Variants in FAT4 observed in about 807,000 individuals in gnomAD.
FAT4 encodes the protein protocadherin Fat 4.
FAT4 carries 84 observed loss-of-function variants against 303.9 expected under a neutral mutation model. The ratio of observed to expected loss-of-function variants is 0.28; its 90% CI spans 0.23 to 0.33. FAT4 has a LOEUF of 0.33. Among genes scored for constraint, FAT4 ranks in the 10% least tolerant of loss-of-function variants. The pLI is 1.00. For synonymous variants in FAT4, 2,307 were observed against 2,298.8 expected (o/e 1.00, Z -0.10); for missense variants, 6,005 against 6,146.8 (o/e 0.98, Z 0.77).
Position 125,416,627 on chromosome 4 carries a change from G to A in FAT4, c.7018+5G>A. On this transcript the variant is annotated splice_donor_5th_base_variant and intron_variant, in intron 7 of 17. Coordinates refer to ENST00000394329, the MANE Select transcript of FAT4 (RefSeq NM_001291303.3). ...TGATTACAGCTACAGATTCAGGTAA[G>A]TCCATTACACCCTTGTTCATTTGTA... 1.2e-6 allele frequency: 2 copies of A among 1,613,280 alleles called. No homozygotes were observed. The highest frequency in any genetic ancestry group is 1.7e-6 in the Non-Finnish European group (2 of 1,179,516).
chr4:125,436,774 A>G (rs1326947834), intron 8 of FAT4, among the ~76,000 whole-genome samples: 10 of 152,172 alleles, frequency 6.6e-5, no homozygotes, highest in Admixed American at 5.9e-4. Flanking sequence ...CCACAAGAAC[A>G]GTATGCTCGA....
chr4:125,484,814 A>G (rs995320172), intron 16 of FAT4, among the ~76,000 whole-genome samples: 1 of 152,066 alleles, frequency 6.6e-6, no homozygotes, highest in African/African-American at 2.4e-5. Context: ...CAAAAATAAA[A>G]AAGGTACAGT....
intron 13 of FAT4, among the ~76,000 whole-genome samples, 192 bp downstream of exon 13, chr4:125,476,448 T>A (rs191942738): frequency 4.6e-5 from 7 of 152,182 alleles, no homozygotes; most frequent in Admixed American, 4.6e-4. Context: ...TGAAATGAAG[T>A]GGTAGAAATA....
chr4:125,466,977 C>T (rs1290880959), intron 11 of FAT4, among the ~76,000 whole-genome samples: 3 of 151,826 alleles, frequency 2.0e-5, no homozygotes, highest in African/African-American at 4.8e-5. Context: ...CGGGGTTTCA[C>T]CGTGTTAGCC....
At position 125,452,350 on chromosome 4, in the gene FAT4, C is replaced by G. The variant is rs140612818; in HGVS notation, c.11340C>G (p.Gly3780=). 6.2e-7 allele frequency: 1 copy of G among 1,614,174 alleles called. No individual in the cohort carries two copies. Among genetic ancestry groups the G allele is most frequent in the Admixed American group, 1.7e-5 (1 of 60,026 alleles). The change falls in exon 10 of 18, where the codon GGC becomes GGG. Residue 3780 remains glycine, a synonymous_variant. Transcript: ENST00000394329. ...ATAATCAGTATGTGAATCCCAGTGG[C>G]GTAGCCACCTTCTTTGAAAGCATCA... ...RNHNQYVNPS[G]VATFFESIKE...
intron 10 of FAT4, among the ~76,000 whole-genome samples, chr4:125,456,486 C>A (rs1560620760): frequency 6.6e-6 from 1 of 150,834 alleles, no homozygotes; most frequent in African/African-American, 2.4e-5. Context: ...GTTTCAAATT[C>A]TGTATGAAAA....
intron 5 of FAT4, among the ~76,000 whole-genome samples, chr4:125,411,094 CAAAT>C: frequency 6.6e-6 from 1 of 152,094 alleles, no homozygotes; most frequent in African/African-American, 2.4e-5. Context: ...AACAAATTAA[CAAAT>C]AAATCTCAAT....
chr4:125,365,909 C>T (rs1043187171), intron 2 of FAT4, among the ~76,000 whole-genome samples: 3 of 152,066 alleles, frequency 2.0e-5, no homozygotes, highest in African/African-American at 4.8e-5. Context: ...TGTTAGGAAC[C>T]GGGACGCACA....
In FAT4 at chr4:125,320,118, A is replaced by G; in HGVS notation, c.3707A>G (p.Asp1236Gly). Residue 1236 changes from aspartate (D) to glycine (G), a missense_variant, in exon 2 of 18, where the codon GAT (aspartate) becomes GGT (glycine). Asp to Gly is a moderately conservative substitution (Grantham distance 94). Transcript: ENST00000394329. The part of the protein sequence containing the change: ...LTQVLRVSAS[D>G]VDEGNNGLIH... ...CAAGTGTTAAGAGTATCTGCCTCAG[A>G]TGTTGATGAAGGTAATAATGGACTT... is the stretch of plus-strand genomic sequence containing the variant. 6.2e-7 allele frequency: 1 copy of G among 1,614,018 alleles called. No homozygotes were observed. The highest frequency in any genetic ancestry group is 8.5e-7 in the Non-Finnish European group (1 of 1,179,924).
chr4:125,352,401 T>A (rs970566845), intron 2 of FAT4, among the ~76,000 whole-genome samples: 1 of 151,664 alleles, frequency 6.6e-6, no homozygotes, highest in African/African-American at 2.4e-5. Flanking sequence ...CCATGTAACA[T>A]TAGTTATTTT....
intron 2 of FAT4, among the ~76,000 whole-genome samples, chr4:125,381,409 C>T (rs968439164): frequency 1.3e-5 from 2 of 151,972 alleles, no homozygotes; most frequent in Admixed American, 6.6e-5. Context: ...GTGAATATCA[C>T]AATAAAGCAA....
At chr4:125,452,956 A>T in intron 10 of FAT4, 146 bp downstream of exon 10, 2 of 1,055,780 alleles carry the variant, frequency 1.9e-6, no homozygotes, top group Non-Finnish European at 2.7e-6. Flanking sequence ...TTGGTCAAAT[A>T]CTGTTCTAAG....
intron 6 of FAT4, among the ~76,000 whole-genome samples, 165 bp downstream of exon 6, chr4:125,415,971 A>G (rs1735041612): frequency 6.6e-6 from 1 of 152,228 alleles, no homozygotes; most frequent in Non-Finnish European, 1.5e-5. Context: ...GTTTATAAAC[A>G]TCATACCTAA....
At chr4:125,343,272 T>A (rs1411837432) in intron 2 of FAT4, among the ~76,000 whole-genome samples, 1 of 152,168 alleles carries the variant, frequency 6.6e-6, no homozygotes, top group East Asian at 1.9e-4. Flanking sequence ...CAAGTCAGTG[T>A]ATTAACCTAG....
rs143534324 is a variant in FAT4, at chr4:125,316,935, G to T, written c.524G>T (p.Arg175Leu). ...GSNGVDHRSY[R>L]IIRGNEAGRF... ...AACGGTGTGGACCACCGCTCCTACC[G>T]CATCATCCGCGGCAATGAGGCGGGG... The change falls in exon 2 of 18, where the codon CGC (arginine) becomes CTC (leucine). Residue 175 changes from arginine to leucine, a missense_variant. Coordinates refer to ENST00000394329, the MANE Select transcript of FAT4 (RefSeq NM_001291303.3). This position sits in a 1 kb window ranked among gnomAD's most constrained non-coding sequence, Gnocchi z 5.7. The T allele has an allele frequency of 3.4e-3, 5,435 of 1,613,854 alleles. 21 individuals carry two copies. The highest frequency in any genetic ancestry group is 0.016 in the Middle Eastern group (95 of 6,062).
rs541780551 is a variant in FAT4 at position 125,356,679 on chromosome 4, G to A, written c.5175+35093G>A. The stretch of plus-strand genomic sequence containing the variant: ...AGACTAATATAAGTAGAATATAGTT[G>A]AGTTACAGAATATGTTGTAATAGTC... On this transcript the variant is annotated intron_variant, in intron 2 of 17. Coordinates refer to ENST00000394329, the MANE Select transcript of FAT4 (RefSeq NM_001291303.3). 7.4e-5 allele frequency among the ~76,000 whole-genome samples: 11 copies of A among 148,730 alleles called. No individual in the cohort carries two copies. In the East Asian group the frequency reaches 2.2e-3, roughly 29 times the overall value.
chr4:125,473,461 A>T (rs1002025661), intron 12 of FAT4, among the ~76,000 whole-genome samples: 4 of 152,102 alleles, frequency 2.6e-5, no homozygotes, highest in African/African-American at 9.7e-5. Context: ...AAGAATATAG[A>T]TTTAATCAAT....
chr4:125,320,004 T>C lies in FAT4; in HGVS notation c.3593T>C (p.Val1198Ala). The change falls in exon 2 of 18, where the codon GTT becomes GCT. Residue 1198 changes from valine to alanine, a missense_variant. Val to Ala is a moderately conservative substitution (Grantham distance 64, BLOSUM62 0). Transcript: ENST00000394329. ...QPLKDQATVH[V>A]YMKDINDNAP... ...CTCAAGGATCAGGCCACTGTACATG[T>C]TTACATGAAGGATATAAATGATAAT... 6.2e-7 allele frequency: 1 copy of C among 1,612,966 alleles called. No homozygotes were observed. Among genetic ancestry groups the C allele is most frequent in the South Asian group, 1.1e-5 (1 of 91,078 alleles).
At chr4:125,393,445 A>G (rs1260008167) in intron 2 of FAT4, among the ~76,000 whole-genome samples, 1 of 152,310 alleles carries the variant, frequency 6.6e-6, no homozygotes, top group African/African-American at 2.4e-5. Flanking sequence ...CATTAGATCC[A>G]CAAATATATA....
Sources: allele counts gnomAD v4.1 joint callset (sites outside exome capture counted in the v4.1 genomes callset), GRCh38; gene constraint gnomAD v4.1.1; non-coding constraint Gnocchi (gnomAD v3.1); transcripts MANE v1.5; gene names NCBI Gene and HGNC (gene_info 2026-07-23, HGNC 2026-07-21).